Variants in SOAT1 observed in about 807,000 individuals in gnomAD.
SOAT1 encodes the protein sterol O-acyltransferase 1, also known as acyl-coenzyme A:cholesterol acyltransferase 1.
In SOAT1, 55 loss-of-function variants were observed where a neutral mutation model predicts 69.5. The observed-to-expected ratio is 0.79, with a 90% CI of 0.64 to 0.99. The LOEUF is 0.99. Among genes scored for constraint, SOAT1 ranks in the 50% least tolerant of loss-of-function variants. The pLI, the probability that SOAT1 is intolerant of heterozygous loss-of-function variation, is 0.00. For missense variants in SOAT1, 580 were observed against 669.3 expected, an observed-to-expected ratio of 0.87 and a Z score of 1.47; for synonymous variants, 231 against 224.7, an observed-to-expected ratio of 1.03 and a Z score of -0.25.
intron 6 of SOAT1, among the ~76,000 whole-genome samples, chr1:179,340,820 G>GAGATATATATATATATAT (rs1666307350): frequency 2.0e-5 from 3 of 147,314 alleles, no homozygotes; most frequent in Admixed American, 6.8e-5. Context: ...ATATATTGTT[G>GAGATATATATATATATAT]ATATATATAT....
chr1:179,348,912 A>G lies in SOAT1; in HGVS notation c.1284A>G (p.Leu428=). 1 of 1,607,680 alleles carries G rather than the reference A, an allele frequency of 6.2e-7. No individual in the cohort carries two copies. The change falls in exon 13 of 16, where the codon CTA becomes CTG. Residue 428 remains leucine (L), a synonymous_variant. Coordinates refer to ENST00000367619, the MANE Select transcript of SOAT1 (RefSeq NM_003101.6). ...RTWNVVVHDW[L]YYYAYKDFLW... ...GGAATGTGGTGGTCCATGACTGGCT[A>G]TATTACTATGCTTACAAGGACTTTC...
chr1:179,354,066 C>G lies in SOAT1; in HGVS notation c.*425C>G, dbSNP rs763666226. The G allele has an allele frequency of 6.1e-6, 1 of 163,108 alleles. No homozygotes were observed. The highest frequency in any genetic ancestry group is 2.4e-5 in the African/African-American group (1 of 41,550). The allele number at this position is 163,108 out of a possible 1,614,324, so 10.1% of individuals were successfully genotyped here. A position where few individuals can be genotyped will look rare whatever the true frequency, so the allele number is the denominator to read the frequency against. ...CCTCTGGCTTAGAAATTTTTTCATG[C>G]ACACTGTTGGAATGTATGCTAATTG... On this transcript the variant is annotated 3_prime_UTR_variant, in exon 16 of 16. Coordinates refer to ENST00000367619, the MANE Select transcript of SOAT1 (RefSeq NM_003101.6).
chr1:179,299,359 A>T (rs1664755751), intron 1 of SOAT1, among the ~76,000 whole-genome samples: 1 of 152,216 alleles, frequency 6.6e-6, no homozygotes, highest in Non-Finnish European at 1.5e-5. Context: ...TAATGTAAAA[A>T]GTTTAGCAGC....
chr1:179,340,815 T>C (rs1001992780), intron 6 of SOAT1, among the ~76,000 whole-genome samples: 2 of 60,504 alleles, frequency 3.3e-5, no homozygotes, highest in South Asian at 1.5e-3. Flanking sequence ...AGAACATATA[T>C]TGTTGATATA....
chr1:179,355,251 T>C lies in SOAT1; in HGVS notation c.*1610T>C, dbSNP rs1666870080. 6.6e-6 allele frequency: 1 copy of C among 152,232 alleles called. No individual in the cohort carries two copies. Among genetic ancestry groups the C allele is most frequent in the African/African-American group, 2.4e-5 (1 of 41,468 alleles). 9.4% of individuals were successfully genotyped at this position (152,232 alleles called of 1,614,324 possible). A position where few individuals can be genotyped will look rare whatever the true frequency, so the allele number is the denominator to read the frequency against. On this transcript the variant is annotated 3_prime_UTR_variant, in exon 16 of 16. Transcript: ENST00000367619. ...TGGAATCATAACCTGCTAACTAGTT[T>C]GCTTTAATATGGCTTGTAATTCTTG...
chr1:179,339,319 G>C, intron 5 of SOAT1, 119 bp from the exon 6 acceptor site: 1 of 536,512 alleles, frequency 1.9e-6, no homozygotes, highest in East Asian at 3.4e-5. Flanking sequence ...AGATGTTTTT[G>C]GAGAGTGGAT....
In SOAT1 at chr1:179,299,807, A is replaced by G. The variant is rs536373501; in HGVS notation, c.-8-2870A>G. On this transcript the variant is annotated intron_variant, in intron 1 of 15. Coordinates refer to ENST00000367619, the MANE Select transcript of SOAT1 (RefSeq NM_003101.6). ...CTTGCTCTGTTGCCCAGGCTGGAGTACAGTGGTGTGATCTCAGCTCACTGC... is the reference window on the plus strand; with the variant it reads ...CTTGCTCTGTTGCCCAGGCTGGAGTGCAGTGGTGTGATCTCAGCTCACTGC... Among the ~76,000 whole-genome samples, 213 of 121,054 alleles carry G rather than the reference A, an allele frequency of 1.8e-3. 1 individual carries two copies. The highest frequency in any genetic ancestry group is 4.4e-3 in the Admixed American group (40 of 9,120). The allele number at this position is 121,054 out of a possible 152,430, so 79.4% of individuals were successfully genotyped here. A position where few individuals can be genotyped will look rare whatever the true frequency, so the allele number is the denominator to read the frequency against.
At chr1:179,297,934 G>A (rs1219210687) in intron 1 of SOAT1, among the ~76,000 whole-genome samples, 5 of 151,164 alleles carry the variant, frequency 3.3e-5, no homozygotes, top group Admixed American at 2.6e-4. Context: ...TCCAGGAGGC[G>A]GAGGTTGCGG....
At chr1:179,342,784 C>G in intron 8 of SOAT1, 78 bp from the exon 9 acceptor site, 1 of 992,846 alleles carries the variant, frequency 1.0e-6, no homozygotes, top group Non-Finnish European at 1.6e-6. Flanking sequence ...CTGTTCTGTG[C>G]TTCCTTATAT....
chr1:179,323,797 T>C (rs1462920791), intron 3 of SOAT1, among the ~76,000 whole-genome samples: 1 of 152,208 alleles, frequency 6.6e-6, no homozygotes, highest in Admixed American at 6.5e-5. Context: ...TTTGTGAAAG[T>C]ATCTGTCATG....
At chr1:179,329,910 A>G (rs535107284) in intron 3 of SOAT1, among the ~76,000 whole-genome samples, 28 of 152,176 alleles carry the variant, frequency 1.8e-4, no homozygotes, top group Non-Finnish European at 2.9e-4. Context: ...TCTCATGTCA[A>G]CAGTTCAGAG....
At chr1:179,313,640 A>G (rs1421985248) in intron 2 of SOAT1, among the ~76,000 whole-genome samples, 1 of 151,886 alleles carries the variant, frequency 6.6e-6, no homozygotes, top group East Asian at 1.9e-4. Context: ...GCTGGAGTGC[A>G]ATGGTGCTAT....
intron 1 of SOAT1, among the ~76,000 whole-genome samples, chr1:179,297,854 C>A (rs1316631100): frequency 6.6e-6 from 1 of 150,780 alleles, no homozygotes; most frequent in South Asian, 2.1e-4. Flanking sequence ...ACTAAAAATA[C>A]AAAATTAGCT....
chr1:179,344,352 GGTTT>G lies in SOAT1; in HGVS notation c.988-594_988-591del, dbSNP rs1666448465. Among the ~76,000 whole-genome samples the G allele has an allele frequency of 8.3e-5, 10 of 120,556 alleles. 1 individual carries two copies. The highest frequency in any genetic ancestry group is 8.8e-5 in the Admixed American group (1 of 11,358). The allele number at this position is 120,556 out of a possible 152,430, so 79.1% of individuals were successfully genotyped here. Reference sequence around the variant, plus strand: ...TATGAAGTAAGTTCTTTCATTAAGGGGTTTTTTTTTTTTTTTTTTTTTTTTTTTT... The same window carrying G: ...TATGAAGTAAGTTCTTTCATTAAGGGTTTTTTTTTTTTTTTTTTTTTTTTT... On this transcript the variant is annotated intron_variant, in intron 10 of 15. Transcript: ENST00000367619.
At chr1:179,343,014 C>T in intron 9 of SOAT1, 71 bp downstream of exon 9, 1 of 1,154,188 alleles carries the variant, frequency 8.7e-7, no homozygotes, top group Middle Eastern at 1.9e-4. Flanking sequence ...GATAGGTAAA[C>T]AGGGGCCAGT....
intron 1 of SOAT1, among the ~76,000 whole-genome samples, chr1:179,295,124 T>TA (rs1558032333): frequency 6.6e-6 from 1 of 152,332 alleles, no homozygotes; most frequent in East Asian, 1.9e-4. Flanking sequence ...CGCAGTCTTT[T>TA]AGGATAAAGA....
At chr1:179,323,611 G>T in intron 3 of SOAT1, 116 bp downstream of exon 3, 3 of 815,008 alleles carry the variant, frequency 3.7e-6, no homozygotes, top group Non-Finnish European at 5.9e-6. Context: ...ATCAGTTGCT[G>T]TTATCCTGTG....
chr1:179,313,439 T>A (rs1303094828), intron 2 of SOAT1, among the ~76,000 whole-genome samples: 1 of 152,146 alleles, frequency 6.6e-6, no homozygotes, highest in Admixed American at 6.5e-5. Context: ...CCATTTCTTT[T>A]TACTTTTTAA....
intron 2 of SOAT1, among the ~76,000 whole-genome samples, chr1:179,317,421 T>C (rs556526002): frequency 3.3e-4 from 50 of 151,458 alleles, no homozygotes; most frequent in African/African-American, 1.2e-3. Context: ...TAGTCCCAGC[T>C]ACTTGGGATG....
Sources: allele counts gnomAD v4.1 joint callset (sites outside exome capture counted in the v4.1 genomes callset), GRCh38; gene constraint gnomAD v4.1.1; transcripts MANE v1.5; gene names NCBI Gene and HGNC (gene_info 2026-07-23, HGNC 2026-07-21).